ANGPT1: variants seen among roughly 807,000 people sequenced by gnomAD.
ANGPT1 encodes the protein angiopoietin-1.
ANGPT1 carries 17 observed loss-of-function variants against 62.2 expected under a neutral mutation model. The observed-to-expected ratio is 0.27, with a 90% CI of 0.19 to 0.41. The LOEUF (loss-of-function observed/expected upper bound fraction) is 0.41. ANGPT1 is among the 10% of genes least tolerant of loss of function. The pLI is 1.00. For synonymous variants in ANGPT1, 199 were observed against 198.9 expected, an observed-to-expected ratio of 1.00 and a Z score of 0.00; for missense variants, 478 against 594.9, an observed-to-expected ratio of 0.80 and a Z score of 2.04.
chr8:107,258,548 C>A (rs1006139803), intron 8 of ANGPT1, among the ~76,000 whole-genome samples: 1 of 152,150 alleles, frequency 6.6e-6, no homozygotes, highest in Non-Finnish European at 1.5e-5. Flanking sequence ...AGAGGACTAT[C>A]GGTTCTGATT....
At chr8:107,362,608 A>G (rs1368726165) in intron 1 of ANGPT1, among the ~76,000 whole-genome samples, 2 of 152,176 alleles carry the variant, frequency 1.3e-5, no homozygotes, top group Non-Finnish European at 2.9e-5. Flanking sequence ...CAAACCTGAT[A>G]GATTCTAGGA....
Position 107,346,928 on chromosome 8 carries a change from G to A in ANGPT1, c.453+14C>T. The A allele has an allele frequency of 1.2e-6, 2 of 1,605,404 alleles. No individual in the cohort carries two copies. The highest frequency in any genetic ancestry group is 1.7e-6 in the Non-Finnish European group (2 of 1,175,834). On this transcript the variant is annotated intron_variant, in intron 2 of 8. Transcript: ENST00000517746. ...TTCCTTGTTGAGTCTGTGGACTCTG[G>A]CCCTGGGGTGTACCTGGGTCTCAAC... is the stretch of plus-strand genomic sequence containing the variant.
intron 1 of ANGPT1, among the ~76,000 whole-genome samples, chr8:107,434,722 CTCATGGCT>C (rs1281670035): frequency 1.3e-5 from 2 of 152,192 alleles, no homozygotes; most frequent in Non-Finnish European, 2.9e-5. Flanking sequence ...AAAAGACTGT[CTCATGGCT>C]TCTATTTTTG....
At chr8:107,334,109 G>T (rs1815502526) in intron 3 of ANGPT1, among the ~76,000 whole-genome samples, 1 of 151,936 alleles carries the variant, frequency 6.6e-6, no homozygotes, top group Non-Finnish European at 1.5e-5. Flanking sequence ...GGTGCATAAG[G>T]ATGGCATTTG....
intron 1 of ANGPT1, among the ~76,000 whole-genome samples, chr8:107,406,440 A>G (rs1421035252): frequency 1.3e-5 from 2 of 152,062 alleles, no homozygotes; most frequent in Non-Finnish European, 2.9e-5. Context: ...CTTGTTATAT[A>G]TATGTGTAAT....
intron 5 of ANGPT1, among the ~76,000 whole-genome samples, chr8:107,300,053 T>C (rs1354274505): frequency 7.0e-6 from 1 of 142,674 alleles, no homozygotes; most frequent in East Asian, 2.1e-4. Flanking sequence ...ATATATATAG[T>C]TATATCTAGA....
intron 3 of ANGPT1, among the ~76,000 whole-genome samples, chr8:107,325,144 AC>A (rs559597629): frequency 6.2e-4 from 94 of 152,306 alleles, no homozygotes; most frequent in African/African-American, 2.1e-3. Context: ...ACAAACAAAA[AC>A]AAAAAACTTC....
intron 1 of ANGPT1, among the ~76,000 whole-genome samples, chr8:107,452,143 G>A (rs1029927267): frequency 2.2e-4 from 34 of 151,336 alleles, no homozygotes; most frequent in Non-Finnish European, 8.9e-5. Context: ...CTTCTGACAC[G>A]ATGTCTACCA....
At chr8:107,305,829 A>G (rs1443868672) in intron 4 of ANGPT1, among the ~76,000 whole-genome samples, 1 of 152,090 alleles carries the variant, frequency 6.6e-6, no homozygotes, top group Non-Finnish European at 1.5e-5. Context: ...CTTACCAACT[A>G]GCAAGCATAT....
chr8:107,440,523 G>A (rs1811447817), intron 1 of ANGPT1, among the ~76,000 whole-genome samples: 1 of 152,190 alleles, frequency 6.6e-6, no homozygotes, highest in South Asian at 2.1e-4. Flanking sequence ...AATGTGGGAT[G>A]ATTCAAAGTC....
At chr8:107,481,532 C>CAAAAAAAAA (rs71562147) in intron 1 of ANGPT1, among the ~76,000 whole-genome samples, 4 of 64,316 alleles carry the variant, frequency 6.2e-5, no homozygotes, top group African/African-American at 2.0e-4. Context: ...GACTCTGTCT[C>CAAAAAAAAA]AAAAAAAAAA....
chr8:107,411,115 G>A (rs1817259978), intron 1 of ANGPT1, among the ~76,000 whole-genome samples: 1 of 152,076 alleles, frequency 6.6e-6, no homozygotes, highest in African/African-American at 2.4e-5. Flanking sequence ...AAATGTGTAA[G>A]AAAATTCACA....
intron 1 of ANGPT1, among the ~76,000 whole-genome samples, chr8:107,354,605 T>C (rs1299219894): frequency 6.6e-6 from 1 of 152,108 alleles, no homozygotes; most frequent in Non-Finnish European, 1.5e-5. Context: ...ATAACATACA[T>C]ATCCTTAATG....
intron 8 of ANGPT1, among the ~76,000 whole-genome samples, chr8:107,256,396 C>T (rs1171320558): frequency 1.3e-5 from 2 of 152,140 alleles, no homozygotes; most frequent in Non-Finnish European, 2.9e-5. Flanking sequence ...TTAAGCATGG[C>T]CAAGTCTTTT....
intron 1 of ANGPT1, among the ~76,000 whole-genome samples, chr8:107,470,191 T>C (rs1812315364): frequency 6.6e-6 from 1 of 152,118 alleles, no homozygotes; most frequent in South Asian, 2.1e-4. Flanking sequence ...AGTTCTGATT[T>C]CTTGTTATAG....
chr8:107,350,308 A>T (rs1815904737), intron 1 of ANGPT1, among the ~76,000 whole-genome samples: 1 of 152,128 alleles, frequency 6.6e-6, no homozygotes, highest in Non-Finnish European at 1.5e-5. Flanking sequence ...TTCACTAATC[A>T]GTGAGCTCCA....
At chr8:107,305,193 A>T (rs543861839) in intron 4 of ANGPT1, among the ~76,000 whole-genome samples, 4 of 152,000 alleles carry the variant, frequency 2.6e-5, no homozygotes, top group Non-Finnish European at 5.9e-5. Context: ...GATGCCCAGA[A>T]AAAGAGATGT....
chr8:107,393,216 C>T (rs1816869103), intron 1 of ANGPT1, among the ~76,000 whole-genome samples: 1 of 152,034 alleles, frequency 6.6e-6, no homozygotes, highest in Non-Finnish European at 1.5e-5. Flanking sequence ...TTTTAAAAAA[C>T]ATCTGAGTGT....
intron 1 of ANGPT1, among the ~76,000 whole-genome samples, chr8:107,378,341 A>G (rs1265955972): frequency 1.3e-5 from 2 of 152,198 alleles, no homozygotes; most frequent in Non-Finnish European, 2.9e-5. Flanking sequence ...TGCATTTAGA[A>G]ATATTACCAA....
Sources: gnomAD v4.1 joint callset for allele counts (sites outside exome capture counted in the v4.1 genomes callset) on GRCh38, gnomAD v4.1.1 for gene constraint, MANE v1.5 for transcripts, NCBI Gene and HGNC (gene_info 2026-07-23, HGNC 2026-07-21) for gene names.